The following OMA1 variants were observed in gnomAD, a reference collection of about 807,000 sequenced individuals.
OMA1 encodes OMA1 zinc metallopeptidase, also known as metalloendopeptidase OMA1, mitochondrial.
Under a neutral mutation model 30.9 loss-of-function variants are expected in OMA1, and 38 were observed. The observed-to-expected ratio is 1.23, with a 90% CI of 0.95 to 1.61. The LOEUF (loss-of-function observed/expected upper bound fraction) is 1.61. Among genes scored for constraint, OMA1 ranks in the 40% most tolerant of loss-of-function variants. The pLI, the probability that OMA1 is intolerant of heterozygous loss-of-function variation, is 0.00. For missense variants in OMA1, 461 were observed against 349.2 expected (o/e 1.32, Z -2.55); for synonymous variants, 173 against 121.9 (o/e 1.42, Z -2.76).
chr1:58,489,235 C>T (rs963661560), intron 8 of OMA1, among the ~76,000 whole-genome samples: 1 of 152,194 alleles, frequency 6.6e-6, no homozygotes, highest in African/African-American at 2.4e-5. Context: ...AATTGGGTCA[C>T]TCCCACCCTA....
chr1:58,529,859 T>C (rs1482944884), intron 6 of OMA1, among the ~76,000 whole-genome samples: 1 of 152,150 alleles, frequency 6.6e-6, no homozygotes, highest in Non-Finnish European at 1.5e-5. Flanking sequence ...CATAGTTACA[T>C]GCAAACACCA....
At chr1:58,508,914 T>C (rs1462848242) in intron 7 of OMA1, among the ~76,000 whole-genome samples, 1 of 152,146 alleles carries the variant, frequency 6.6e-6, no homozygotes, top group East Asian at 1.9e-4. Context: ...GACTGGCTTC[T>C]GTCTCATCTG....
chr1:58,524,693 G>A (rs913814194), intron 7 of OMA1, among the ~76,000 whole-genome samples: 3 of 152,172 alleles, frequency 2.0e-5, no homozygotes, highest in African/African-American at 7.2e-5. Context: ...TCAATCTACA[G>A]TATATATCAA....
At chr1:58,539,938 G>C (rs2100494802) in intron 1 of OMA1, among the ~76,000 whole-genome samples, 1 of 152,282 alleles carries the variant, frequency 6.6e-6, no homozygotes, top group South Asian at 2.1e-4. Flanking sequence ...GAGCTGCACA[G>C]AGAAATAACT....
At chr1:58,481,406 T>C (rs908885684) in intron 8 of OMA1, among the ~76,000 whole-genome samples, 1 of 152,144 alleles carries the variant, frequency 6.6e-6, no homozygotes, top group African/African-American at 2.4e-5. Context: ...ACAATAGTAT[T>C]AATAATCTGT....
chr1:58,513,396 G>T (rs536724142), intron 7 of OMA1, among the ~76,000 whole-genome samples: 1 of 152,134 alleles, frequency 6.6e-6, no homozygotes, highest in East Asian at 1.9e-4. Context: ...TGTGAAAATG[G>T]ACTAATACAG....
At chr1:58,537,477 A>G (rs1319633188) in intron 2 of OMA1, among the ~76,000 whole-genome samples, 1 of 152,232 alleles carries the variant, frequency 6.6e-6, no homozygotes, top group African/African-American at 2.4e-5. Flanking sequence ...CTAGGTATTC[A>G]TAAGAAAGTG....
intron 7 of OMA1, among the ~76,000 whole-genome samples, chr1:58,520,603 A>G (rs1423298010): frequency 6.6e-6 from 1 of 152,198 alleles, no homozygotes; most frequent in Non-Finnish European, 1.5e-5. Flanking sequence ...AGAACACAGG[A>G]GGTTTGAAAA....
intron 8 of OMA1, among the ~76,000 whole-genome samples, chr1:58,492,665 G>C (rs1225718274): frequency 6.6e-6 from 1 of 152,154 alleles, no homozygotes; most frequent in Non-Finnish European, 1.5e-5. Flanking sequence ...AGAAAATCTG[G>C]AAGAAATGGA....
Position 58,514,799 on chromosome 1 carries a change from T to G in OMA1, c.1216-8590A>C, listed in dbSNP as rs184000906. On this transcript the variant is annotated intron_variant, in intron 7 of 8. Coordinates refer to ENST00000371226, the MANE Select transcript of OMA1 (RefSeq NM_145243.5). Reference sequence around the variant, plus strand: ...GCAATACTGCAGAAAACCAAAATTGTTTCCAGCAGGCAAATATAAGATGGA... The same window carrying G: ...GCAATACTGCAGAAAACCAAAATTGGTTCCAGCAGGCAAATATAAGATGGA... Among the ~76,000 whole-genome samples, 417 of 152,214 alleles carry G rather than the reference T, an allele frequency of 2.7e-3. 1 individual carries two copies. Among genetic ancestry groups the G allele is most frequent in the Non-Finnish European group, 4.4e-3 (301 of 67,990 alleles).
chr1:58,517,592 T>C (rs1210112701), intron 7 of OMA1, among the ~76,000 whole-genome samples: 1 of 152,212 alleles, frequency 6.6e-6, no homozygotes, highest in Non-Finnish European at 1.5e-5. Context: ...GTTTCCTGTA[T>C]CTCCAATTCA....
rs1205125704 is a variant in OMA1, at chr1:58,498,575, TACA to T, written c.1365+7482_1365+7484del. Among the ~76,000 whole-genome samples the T allele has an allele frequency of 5.9e-5, 9 of 152,198 alleles. No homozygotes were observed. The South Asian group carries it at 1.2e-3, about 21-fold the overall frequency. ...ACTACTTTAAAAGACAGAAAAGAAA[TACA>T]ACAAGGATAATGCCTATATGGCTAC... On this transcript the variant is annotated intron_variant, in intron 8 of 8. Transcript: ENST00000371226.
chr1:58,495,279 G>A (rs556496235), intron 8 of OMA1, among the ~76,000 whole-genome samples: 68 of 152,210 alleles, frequency 4.5e-4, no homozygotes, highest in African/African-American at 1.6e-3. Context: ...TGGGGTGGGA[G>A]GAGGAGGGAG....
At chr1:58,490,485 C>G (rs1645661874) in intron 8 of OMA1, among the ~76,000 whole-genome samples, 1 of 152,148 alleles carries the variant, frequency 6.6e-6, no homozygotes, top group Admixed American at 6.5e-5. Context: ...CTGAAAGTGA[C>G]AGGGAGAATG....
chr1:58,526,569 AG>A (rs1351022455), intron 7 of OMA1, among the ~76,000 whole-genome samples: 1 of 151,186 alleles, frequency 6.6e-6, no homozygotes, highest in African/African-American at 2.4e-5. Context: ...CTTAAATAAA[AG>A]TAAAGGCCCA....
chr1:58,494,616 A>G (rs1269930765), intron 8 of OMA1, among the ~76,000 whole-genome samples: 1 of 152,182 alleles, frequency 6.6e-6, no homozygotes, highest in Non-Finnish European at 1.5e-5. Context: ...AAGGATATGA[A>G]CAGACACTTC....
intron 2 of OMA1, among the ~76,000 whole-genome samples, chr1:58,537,088 A>G (rs370930355): frequency 2.0e-4 from 27 of 137,842 alleles, no homozygotes; most frequent in Non-Finnish European, 3.2e-4. Context: ...CTCTCTCTGT[A>G]TATATATATA....
Position 58,536,870 on chromosome 1 carries a change from TCG to T in OMA1, c.501-131_501-130del, listed in dbSNP as rs746706869. 1.0e-5 allele frequency: 6 copies of T among 597,912 alleles called. No homozygotes were observed. The African/African-American group carries it at 1.1e-4, about 11-fold the overall frequency. 37.0% of individuals were successfully genotyped at this position (597,912 alleles called of 1,614,324 possible). ...TGTATGATGTATTTCGCTGAATACA[TCG>T]CTTTTCCAATTAATAAAATTCTTAG... On this transcript the variant is annotated intron_variant, in intron 2 of 8. Coordinates refer to ENST00000371226, the MANE Select transcript of OMA1 (RefSeq NM_145243.5).
intron 2 of OMA1, among the ~76,000 whole-genome samples, chr1:58,537,440 A>G (rs6698355): frequency 0.12 from 17,677 of 152,188 alleles, 1,222 homozygotes; most frequent in African/African-American, 0.18. Context: ...CCTCTTTACA[A>G]CGTGAAAAAG....
Sources: gnomAD v4.1 joint callset for allele counts (sites outside exome capture counted in the v4.1 genomes callset) on GRCh38, gnomAD v4.1.1 for gene constraint, MANE v1.5 for transcripts, NCBI Gene and HGNC (gene_info 2026-07-23, HGNC 2026-07-21) for gene names.